ADGRB3: variants seen among roughly 807,000 people sequenced by gnomAD.
ADGRB3 encodes the protein adhesion G protein-coupled receptor B3.
In ADGRB3, 37 loss-of-function variants were observed where a neutral mutation model predicts 193.4. The observed-to-expected ratio is 0.19, with a 90% confidence interval of 0.15 to 0.25. ADGRB3 has a LOEUF of 0.25. Among genes scored for constraint, ADGRB3 ranks in the 10% least tolerant of loss-of-function variants. The pLI is 1.00. For synonymous variants in ADGRB3, 690 were observed against 644.2 expected, an observed-to-expected ratio of 1.07 and a Z score of -1.08; for missense variants, 1,637 against 1,852.9, an observed-to-expected ratio of 0.88 and a Z score of 2.14.
chr6:69,237,343 T>C (rs1232975186), intron 19 of ADGRB3, among the ~76,000 whole-genome samples: 1 of 152,024 alleles, frequency 6.6e-6, no homozygotes, highest in Non-Finnish European at 1.5e-5. Flanking sequence ...TTTTTAAATT[T>C]GGTGGCGTTG....
intron 16 of ADGRB3, among the ~76,000 whole-genome samples, chr6:69,067,120 A>G (rs1485797972): frequency 6.6e-6 from 1 of 152,140 alleles, no homozygotes; most frequent in African/African-American, 2.4e-5. Flanking sequence ...ATGGAAAGAT[A>G]GAGTGGACCA....
intron 20 of ADGRB3, among the ~76,000 whole-genome samples, chr6:69,258,206 A>G (rs1487313619): frequency 6.6e-6 from 1 of 152,234 alleles, no homozygotes; most frequent in Non-Finnish European, 1.5e-5. Context: ...AAAGAAAAAA[A>G]TTCCTAGAGA....
At chr6:68,696,443 A>G (rs1765159486) in intron 3 of ADGRB3, among the ~76,000 whole-genome samples, 3 of 151,712 alleles carry the variant, frequency 2.0e-5, no homozygotes, top group Non-Finnish European at 4.4e-5. Flanking sequence ...AAAAAAACCT[A>G]TGGGATTTTG....
chr6:68,894,615 A>G (rs1185692971), intron 3 of ADGRB3, among the ~76,000 whole-genome samples: 2 of 151,946 alleles, frequency 1.3e-5, no homozygotes. Flanking sequence ...CTCATGTTAT[A>G]TACACAGGTG....
At chr6:69,106,849 G>T (rs1187822191) in intron 17 of ADGRB3, among the ~76,000 whole-genome samples, 1 of 152,178 alleles carries the variant, frequency 6.6e-6, no homozygotes, top group Non-Finnish European at 1.5e-5. Context: ...GGATGTAAAC[G>T]TGCTTAGAGT....
intron 3 of ADGRB3, among the ~76,000 whole-genome samples, chr6:68,730,379 A>T (rs1056100023): frequency 1.3e-5 from 2 of 151,572 alleles, no homozygotes; most frequent in Non-Finnish European, 3.0e-5. Context: ...ACAGAATCTA[A>T]AAACCATGAA....
intron 3 of ADGRB3, among the ~76,000 whole-genome samples, chr6:68,825,507 C>T (rs534100715): frequency 3.9e-5 from 6 of 152,204 alleles, no homozygotes; most frequent in Non-Finnish European, 8.8e-5. Flanking sequence ...TCTTCGATAC[C>T]GACAGATTAA....
chr6:69,192,605 A>G (rs921697075), intron 17 of ADGRB3, among the ~76,000 whole-genome samples: 5 of 152,174 alleles, frequency 3.3e-5, no homozygotes, highest in African/African-American at 1.2e-4. Context: ...AAAATGGTAA[A>G]ATGGTTCTAA....
chr6:68,677,818 G>A (rs551357067), intron 3 of ADGRB3, among the ~76,000 whole-genome samples: 2 of 152,160 alleles, frequency 1.3e-5, no homozygotes, highest in South Asian at 4.1e-4. Context: ...TTTTGGCCAG[G>A]CTGGTCTTGA....
intron 11 of ADGRB3, among the ~76,000 whole-genome samples, chr6:69,008,869 T>C (rs1156920915): frequency 6.6e-6 from 1 of 152,098 alleles, no homozygotes; most frequent in Non-Finnish European, 1.5e-5. Flanking sequence ...CCATATTTAC[T>C]CAAGATAACT....
intron 3 of ADGRB3, among the ~76,000 whole-genome samples, chr6:68,866,337 C>T (rs1765297748): frequency 6.6e-6 from 1 of 152,138 alleles, no homozygotes; most frequent in Admixed American, 6.6e-5. Context: ...TTTCTTTCTC[C>T]TGCTGCCATG....
chr6:69,334,765 C>A (rs922799594), intron 24 of ADGRB3, among the ~76,000 whole-genome samples: 1 of 152,020 alleles, frequency 6.6e-6, no homozygotes, highest in African/African-American at 2.4e-5. Context: ...TAAACAACAT[C>A]GACAATAAAA....
chr6:68,992,143 A>G (rs1375896723), intron 10 of ADGRB3, among the ~76,000 whole-genome samples: 1 of 152,218 alleles, frequency 6.6e-6, no homozygotes, highest in Non-Finnish European at 1.5e-5. Context: ...ATGTCTGTAT[A>G]AAAGATAACA....
intron 3 of ADGRB3, among the ~76,000 whole-genome samples, chr6:68,722,808 G>A (rs2127325432): frequency 6.6e-6 from 1 of 151,666 alleles, no homozygotes; most frequent in South Asian, 2.1e-4. Context: ...ATTTTAGACA[G>A]TGACTTCATT....
chr6:69,179,607 A>T (rs539268208), intron 17 of ADGRB3, among the ~76,000 whole-genome samples: 1 of 152,244 alleles, frequency 6.6e-6, no homozygotes, highest in African/African-American at 2.4e-5. Context: ...AGAGATGCTG[A>T]CACTTAGCTT....
intron 29 of ADGRB3, among the ~76,000 whole-genome samples, chr6:69,363,099 A>G (rs529424227): frequency 6.6e-5 from 10 of 152,110 alleles, no homozygotes; most frequent in Non-Finnish European, 1.3e-4. Flanking sequence ...TGTACAGGTT[A>G]TCTGTGCTTG....
intron 3 of ADGRB3, among the ~76,000 whole-genome samples, chr6:68,813,541 T>C (rs965001544): frequency 2.6e-5 from 4 of 152,154 alleles, no homozygotes; most frequent in African/African-American, 7.2e-5. Flanking sequence ...TGAAAGGAAT[T>C]TGACTTATTA....
intron 13 of ADGRB3, among the ~76,000 whole-genome samples, chr6:69,032,131 G>C (rs1194756115): frequency 1.3e-5 from 2 of 152,140 alleles, no homozygotes; most frequent in South Asian, 2.1e-4. Context: ...GGGAAACTAG[G>C]TGGCAAGTGG....
chr6:68,719,957 G>A (rs1478946998), intron 3 of ADGRB3, among the ~76,000 whole-genome samples: 2 of 151,676 alleles, frequency 1.3e-5, no homozygotes. Flanking sequence ...ATTATCACTG[G>A]TAGTGATGAA....
Sources: allele counts gnomAD v4.1 joint callset (sites outside exome capture counted in the v4.1 genomes callset), GRCh38; gene constraint gnomAD v4.1.1; transcripts MANE v1.5; gene names NCBI Gene and HGNC (gene_info 2026-07-23, HGNC 2026-07-21).